ILDR1: variants seen among roughly 807,000 people sequenced by gnomAD.
ILDR1 encodes immunoglobulin-like domain-containing receptor 1.
Under a neutral mutation model 62.4 loss-of-function variants are expected in ILDR1, and 56 were observed. The ratio of observed to expected loss-of-function variants is 0.90; its 90% CI spans 0.72 to 1.12. The LOEUF is 1.12. Ranked by LOEUF, ILDR1 falls within the 50% of genes most tolerant of loss-of-function variation. ILDR1 has a pLI of 0.00. For missense variants in ILDR1, 736 were observed against 710.6 expected, an observed-to-expected ratio of 1.04 and a Z score of -0.41; for synonymous variants, 284 against 277.8, an observed-to-expected ratio of 1.02 and a Z score of -0.22.
the ILDR1 span, among the ~76,000 whole-genome samples, chr3:122,052,660 G>A: frequency 4.6e-5 from 7 of 152,126 alleles, no homozygotes; most frequent in Non-Finnish European, 1.0e-4. Context: ...TGCAACCTCC[G>A]CCTCCCGGGT....
intron 1 of ILDR1, among the ~76,000 whole-genome samples, chr3:122,017,085 T>C (rs1190515983): frequency 6.6e-6 from 1 of 152,144 alleles, no homozygotes; most frequent in South Asian, 2.1e-4. Context: ...GGGGTCTCTT[T>C]TGCCCAGGCT....
In ILDR1 at chr3:121,993,552, C is replaced by T. The variant is rs1224701557; in HGVS notation, c.1197G>A (p.Trp399Ter). ...ALERRELDPS[W>*]SGRHRSSRLN... is the part of the protein sequence containing the mutation. ...GCCTAGAGCTACGGTGCCTTCCACT[C>T]CACGATGGGTCCAACTCCCTTCTTT... The change falls in exon 7 of 8, where the codon TGG becomes TGA. Residue 399 changes from tryptophan to a stop codon, truncating the protein, a stop_gained. Transcript: ENST00000344209. LOFTEE classifies it high-confidence loss of function. 1 of 1,614,210 alleles carries T rather than the reference C, an allele frequency of 6.2e-7. No individual in the cohort carries two copies. The highest frequency in any genetic ancestry group is 1.7e-5 in the Admixed American group (1 of 60,016).
chr3:122,011,312 T>C (rs2071698702), intron 1 of ILDR1, among the ~76,000 whole-genome samples: 2 of 152,066 alleles, frequency 1.3e-5, no homozygotes, highest in South Asian at 4.1e-4. Flanking sequence ...GAAATTGCTG[T>C]GGGGTAGCTT....
the ILDR1 span, among the ~76,000 whole-genome samples, chr3:122,038,640 A>G: frequency 6.6e-6 from 1 of 152,266 alleles, no homozygotes; most frequent in African/African-American, 2.4e-5. Context: ...GAAGAGACAA[A>G]GGAATCATCA....
chr3:121,998,881 T>A (rs1576720292), intron 5 of ILDR1, among the ~76,000 whole-genome samples: 1 of 152,196 alleles, frequency 6.6e-6, no homozygotes, highest in Non-Finnish European at 1.5e-5. Flanking sequence ...GCTGTAGGAA[T>A]GCAGACTCTC....
intron 1 of ILDR1, among the ~76,000 whole-genome samples, chr3:122,017,149 A>T (rs1480016448): frequency 6.6e-6 from 1 of 152,062 alleles, no homozygotes; most frequent in Non-Finnish European, 1.5e-5. Context: ...ACCGGGTTCA[A>T]TTGATTCTCC....
At chr3:121,997,957 G>A (rs2071462077) in intron 5 of ILDR1, among the ~76,000 whole-genome samples, 1 of 152,116 alleles carries the variant, frequency 6.6e-6, no homozygotes, top group African/African-American at 2.4e-5. Context: ...CTAGAAAGTG[G>A]GAGCAGGTTG....
chr3:121,996,547 T>C (rs1407693682), intron 5 of ILDR1, among the ~76,000 whole-genome samples: 2 of 152,120 alleles, frequency 1.3e-5, no homozygotes, highest in Non-Finnish European at 2.9e-5. Context: ...GCTCACCTAA[T>C]GGGGAATCAG....
intron 5 of ILDR1, among the ~76,000 whole-genome samples, chr3:121,999,824 C>G (rs548004752): frequency 8.3e-4 from 127 of 152,208 alleles, no homozygotes; most frequent in African/African-American, 2.9e-3. Context: ...AAAGACTCCA[C>G]GTGGATAATG....
At chr3:122,051,121 G>T in the ILDR1 span, among the ~76,000 whole-genome samples, 1 of 152,026 alleles carries the variant, frequency 6.6e-6, no homozygotes, top group Non-Finnish European at 1.5e-5. Flanking sequence ...ATTTGTTTGG[G>T]TTCATCTTAT....
the ILDR1 span, among the ~76,000 whole-genome samples, chr3:122,044,884 A>AATCCAGG: frequency 5.3e-5 from 8 of 150,544 alleles, no homozygotes; most frequent in Admixed American, 5.3e-4. Context: ...GGATTCATTG[A>AATCCAGG]TTTTTTGAAG....
At chr3:122,025,004 T>G (rs1442832331), upstream of ILDR1, among the ~76,000 whole-genome samples, 4 of 152,248 alleles carry the variant, frequency 2.6e-5, no homozygotes, top group Admixed American at 6.5e-5. Flanking sequence ...TCTTCCCACA[T>G]GTGCCATTCG....
intron 7 of ILDR1, among the ~76,000 whole-genome samples, chr3:121,988,887 T>C (rs1479348944): frequency 6.6e-6 from 1 of 152,240 alleles, no homozygotes; most frequent in African/African-American, 2.4e-5. Context: ...ATTTCAGAGA[T>C]CACTAATTAC....
At chr3:122,035,145 A>G in the ILDR1 span, among the ~76,000 whole-genome samples, 5 of 152,206 alleles carry the variant, frequency 3.3e-5, no homozygotes, top group Non-Finnish European at 7.4e-5. Context: ...CATCTACTCT[A>G]TCTTCCCTAT....
At chr3:122,027,772 AT>A in the ILDR1 span, among the ~76,000 whole-genome samples, 1 of 152,194 alleles carries the variant, frequency 6.6e-6, no homozygotes, top group Non-Finnish European at 1.5e-5. Flanking sequence ...TAAACTAGTA[AT>A]CTAGGAAGTA....
In ILDR1 at chr3:121,993,364, C is replaced by T. The variant is rs200630651; in HGVS notation, c.1385G>A (p.Arg462Gln). The T allele has an allele frequency of 2.0e-4, 317 of 1,610,130 alleles. 2 individuals carry two copies. In the East Asian group the frequency reaches 5.9e-3, roughly 30 times the overall value. The part of the protein sequence containing the change: ...PRESTQRHGR[R>Q]RRHRSYSPPL... ...AGGAGAGTAGCTGCGGTGCCTGCGT[C>T]GTCTCCCGTGCCTCTGAGTGCTCTC... The change falls in exon 7 of 8, where the codon CGA becomes CAA. Residue 462 changes from arginine to glutamine, a missense_variant. Transcript: ENST00000344209.
rs1165267082 is a variant in ILDR1, at chr3:122,004,500, T to C, written c.379+744A>G. On this transcript the variant is annotated intron_variant, in intron 3 of 7. Coordinates refer to ENST00000344209, the MANE Select transcript of ILDR1 (RefSeq NM_001199799.2). Reference sequence around the variant, plus strand: ...TTGGAGAGGCTTGCCCAGGTTCATATACCCTGTAAATGCAGAATTGGGATG... The same window carrying C: ...TTGGAGAGGCTTGCCCAGGTTCATACACCCTGTAAATGCAGAATTGGGATG... Among the ~76,000 whole-genome samples, 4 of 152,204 alleles carry C rather than the reference T, an allele frequency of 2.6e-5. No individual in the cohort carries two copies. In the East Asian group the frequency reaches 7.7e-4, roughly 29 times the overall value.
At chr3:122,056,915 CTA>C in the ILDR1 span, among the ~76,000 whole-genome samples, 1 of 152,142 alleles carries the variant, frequency 6.6e-6, no homozygotes, top group African/African-American at 2.4e-5. Context: ...AGGCTGCTGT[CTA>C]TATTGAACTT....
At position 121,988,069 on chromosome 3, in the gene ILDR1, C is replaced by T. The variant is rs2071277608; in HGVS notation, c.*298G>A. 1 of 421,614 alleles carries T rather than the reference C, an allele frequency of 2.4e-6. No homozygotes were observed. Among genetic ancestry groups the T allele is most frequent in the African/African-American group, 2.0e-5 (1 of 49,252 alleles). 26.1% of individuals were successfully genotyped at this position (421,614 alleles called of 1,614,324 possible). A position where few individuals can be genotyped will look rare whatever the true frequency, so the allele number is the denominator to read the frequency against. On this transcript the variant is annotated 3_prime_UTR_variant, in exon 8 of 8. Transcript: ENST00000344209. ...CTGGGACTACAAGTGCATGCCACCA[C>T]ACCTAACTAATTTTTATATTTTTTG...
Sources: gnomAD v4.1 joint callset for allele counts (sites outside exome capture counted in the v4.1 genomes callset) on GRCh38, gnomAD v4.1.1 for gene constraint, MANE v1.5 for transcripts, NCBI Gene and HGNC (gene_info 2026-07-23, HGNC 2026-07-21) for gene names.